BABAM2: variants seen among roughly 807,000 people sequenced by gnomAD.
BABAM2 encodes the protein BRISC and BRCA1 A complex member 2.
A neutral mutation model predicts 54.7 loss-of-function variants in BABAM2; 31 were observed. That is an observed-to-expected ratio of 0.57 (90% CI 0.43 to 0.77). The LOEUF (loss-of-function observed/expected upper bound fraction) is 0.77, where lower values mean the gene tolerates loss of function less well. Among genes scored for constraint, BABAM2 ranks in the 30% least tolerant of loss-of-function variants. The pLI is 0.00. For synonymous variants in BABAM2, 167 were observed against 162.9 expected (o/e 1.03, Z -0.19); for missense variants, 364 against 455.8 (o/e 0.80, Z 1.83).
At chr2:28,059,067 T>C (rs1678662196) in intron 6 of BABAM2, among the ~76,000 whole-genome samples, 1 of 152,114 alleles carries the variant, frequency 6.6e-6, no homozygotes, top group African/African-American at 2.4e-5. Flanking sequence ...CTTAGCTGAG[T>C]TTTACAATCA....
intron 11 of BABAM2, among the ~76,000 whole-genome samples, chr2:28,335,163 T>C (rs1427587071): frequency 3.0e-5 from 4 of 135,554 alleles, no homozygotes; most frequent in African/African-American, 8.6e-5. Context: ...TCTTTTTTTT[T>C]TTTTTTTTTT....
chr2:28,037,050 C>T (rs1043717816), intron 5 of BABAM2, among the ~76,000 whole-genome samples: 3 of 151,954 alleles, frequency 2.0e-5, no homozygotes, highest in South Asian at 2.1e-4. Context: ...TTATTATATA[C>T]GCTTTTAGTT....
chr2:28,316,035 A>G (rs1482382233), intron 11 of BABAM2, among the ~76,000 whole-genome samples: 1 of 152,202 alleles, frequency 6.6e-6, no homozygotes, highest in East Asian at 1.9e-4. Flanking sequence ...TAGGATTGCC[A>G]GATTTAGCAA....
chr2:27,889,040 T>G (rs1422700798), upstream of BABAM2, among the ~76,000 whole-genome samples: 2 of 152,270 alleles, frequency 1.3e-5, no homozygotes, highest in Non-Finnish European at 2.9e-5. Flanking sequence ...AAAATTCTTT[T>G]GTTGCTTCTT....
chr2:28,305,069 A>T (rs2148260814), intron 11 of BABAM2, among the ~76,000 whole-genome samples: 1 of 152,260 alleles, frequency 6.6e-6, no homozygotes, highest in Admixed American at 6.5e-5. Context: ...TTTTCCACCT[A>T]CTTGCACTGA....
intron 10 of BABAM2, among the ~76,000 whole-genome samples, chr2:28,284,147 A>C (rs1686607782): frequency 6.6e-6 from 1 of 152,220 alleles, no homozygotes; most frequent in African/African-American, 2.4e-5. Context: ...TAATATGACA[A>C]TTTAAAAACA....
At chr2:27,894,440 G>T in intron 1 of BABAM2, 93 bp from the exon 2 acceptor site, 1 of 1,199,396 alleles carries the variant, frequency 8.3e-7, no homozygotes, top group Non-Finnish European at 1.2e-6. Context: ...ATTCATGCAA[G>T]AGGAACTGCT....
intron 11 of BABAM2, among the ~76,000 whole-genome samples, chr2:28,317,579 TC>T (rs1206934579): frequency 2.0e-5 from 3 of 152,174 alleles, no homozygotes; most frequent in Non-Finnish European, 4.4e-5. Context: ...GATCTTCCAC[TC>T]TTTTTATTTT....
chr2:28,016,289 AT>A, intron 4 of BABAM2: 1 of 969,474 alleles, frequency 1.0e-6, no homozygotes, highest in Non-Finnish European at 1.6e-6. Context: ...GTTCTCATTC[AT>A]TTTTTCTTCA....
chr2:28,304,302 C>T lies in BABAM2; in HGVS notation c.1088+5811C>T, dbSNP rs1037631110. On this transcript the variant is annotated intron_variant, in intron 11 of 11. Coordinates refer to ENST00000379624, the MANE Select transcript of BABAM2 (RefSeq NM_199191.3). This position sits in a 1 kb window ranked among gnomAD's most constrained non-coding sequence, Gnocchi z 4.0. The stretch of plus-strand genomic sequence containing the variant: ...AACTCCTGACTTCAGGTGATCCACC[C>T]GCCTCGGCCTCCCAAAGTGCTGGCA... Among the ~76,000 whole-genome samples, 4 of 151,834 alleles carry T rather than the reference C, an allele frequency of 2.6e-5. No individual in the cohort carries two copies. The highest frequency in any genetic ancestry group is 7.3e-5 in the African/African-American group (3 of 41,348).
intron 10 of BABAM2, among the ~76,000 whole-genome samples, chr2:28,293,949 A>G (rs2148229773): frequency 6.6e-6 from 1 of 152,360 alleles, no homozygotes; most frequent in Middle Eastern, 3.4e-3. Flanking sequence ...GTGGATGAAG[A>G]GCCAACCAAG....
chr2:28,155,326 T>C (rs1369183158), intron 7 of BABAM2, among the ~76,000 whole-genome samples: 3 of 152,196 alleles, frequency 2.0e-5, no homozygotes, highest in Non-Finnish European at 4.4e-5. Context: ...GCTTTTGCCT[T>C]ACAAATAAAA....
chr2:28,154,627 CT>C (rs1300986589), intron 7 of BABAM2, among the ~76,000 whole-genome samples: 1 of 152,024 alleles, frequency 6.6e-6, no homozygotes, highest in Non-Finnish European at 1.5e-5. Flanking sequence ...CCTTGCCCTT[CT>C]TTATGTATTT....
intron 6 of BABAM2, among the ~76,000 whole-genome samples, chr2:28,096,257 C>A (rs1404604681): frequency 2.0e-5 from 3 of 152,000 alleles, no homozygotes; most frequent in Non-Finnish European, 4.4e-5. Context: ...GTCTAAAATG[C>A]CATTGTTTTA....
chr2:28,211,756 A>G (rs966863015), intron 7 of BABAM2, among the ~76,000 whole-genome samples: 12 of 152,058 alleles, frequency 7.9e-5, no homozygotes, highest in Non-Finnish European at 1.2e-4. Flanking sequence ...ATTAAATCCA[A>G]TCACAGACAT....
intron 6 of BABAM2, among the ~76,000 whole-genome samples, chr2:28,118,480 G>A (rs538551558): frequency 1.3e-5 from 2 of 152,290 alleles, no homozygotes; most frequent in East Asian, 1.9e-4. Flanking sequence ...GTGATGTTGA[G>A]CTCTTTTTCA....
intron 7 of BABAM2, among the ~76,000 whole-genome samples, chr2:28,196,813 TGGGTGACA>T (rs1239690550): frequency 1.5e-5 from 2 of 136,310 alleles, no homozygotes; most frequent in Non-Finnish European, 3.1e-5. Flanking sequence ...CACTCCAGCC[TGGGTGACA>T]GAGTGAGACC....
intron 11 of BABAM2, among the ~76,000 whole-genome samples, chr2:28,317,836 C>T (rs1339229481): frequency 1.3e-5 from 2 of 152,214 alleles, no homozygotes; most frequent in Admixed American, 6.5e-5. Context: ...GCCTTTTCTT[C>T]ACCAGAGACG....
At chr2:28,219,886 G>T (rs867496489) in intron 7 of BABAM2, among the ~76,000 whole-genome samples, 3 of 152,180 alleles carry the variant, frequency 2.0e-5, no homozygotes. Flanking sequence ...ATGAAGCTGT[G>T]CTGCTGCTGG....
Sources: allele counts gnomAD v4.1 joint callset (sites outside exome capture counted in the v4.1 genomes callset), GRCh38; gene constraint gnomAD v4.1.1; non-coding constraint Gnocchi (gnomAD v3.1); transcripts MANE v1.5; gene names NCBI Gene and HGNC (gene_info 2026-07-23, HGNC 2026-07-21).